SLC10A7: variants seen among roughly 807,000 people sequenced by gnomAD.
The protein encoded by SLC10A7 is solute carrier family 10 member 7.
SLC10A7 carries 29 observed loss-of-function variants against 43.2 expected under a neutral mutation model. The ratio of observed to expected loss-of-function variants is 0.67; its 90% confidence interval spans 0.50 to 0.92. SLC10A7 has a LOEUF of 0.92. Ranked by LOEUF, SLC10A7 falls within the 40% of genes least tolerant of loss-of-function variation. The probability of loss-of-function intolerance (pLI) is 0.00; values close to 1 mark genes in which losing one functional copy is unlikely to be tolerated. For missense variants in SLC10A7, 295 were observed against 403.2 expected (o/e 0.73, Z 2.30); for synonymous variants, 152 against 144.8 (o/e 1.05, Z -0.35).
At chr4:146,387,339 G>A (rs927163722) in intron 5 of SLC10A7, among the ~76,000 whole-genome samples, 6 of 152,004 alleles carry the variant, frequency 3.9e-5, no homozygotes, top group African/African-American at 7.3e-5. Context: ...AATGTGATTC[G>A]CCACATAAAC....
chr4:146,399,068 G>C (rs1290563288), intron 5 of SLC10A7, among the ~76,000 whole-genome samples: 2 of 152,212 alleles, frequency 1.3e-5, no homozygotes, highest in African/African-American at 4.8e-5. Context: ...CACTAGGGCG[G>C]TATTCAGGGA....
rs1738288485 is a variant in SLC10A7 at position 146,389,829 on chromosome 4, A to ATG, written c.435+52952_435+52953dup. Among the ~76,000 whole-genome samples, 3 of 152,184 alleles carry ATG rather than the reference A, an allele frequency of 2.0e-5. No individual in the cohort carries two copies. In the South Asian group the frequency reaches 6.2e-4, roughly 31 times the overall value. On this transcript the variant is annotated intron_variant, in intron 5 of 11. Coordinates refer to ENST00000335472, the MANE Select transcript of SLC10A7 (RefSeq NM_001029998.6). ...TGGGCAAATCACTTAACTAGCCCCT[A>ATG]TGATTCTCAGAGTTCTTAGCTATAA...
chr4:146,347,174 G>A (rs1292328257), intron 5 of SLC10A7, among the ~76,000 whole-genome samples: 5 of 152,214 alleles, frequency 3.3e-5, no homozygotes, highest in Admixed American at 1.3e-4. Context: ...AGAACAGCAT[G>A]TGTGAAAGGC....
chr4:146,408,740 A>G (rs1327541182), intron 5 of SLC10A7: 2 of 151,988 alleles, frequency 1.3e-5, no homozygotes, highest in Non-Finnish European at 2.9e-5. Flanking sequence ...TTTTTCTCTG[A>G]AGCATCCTTT....
Position 146,509,817 on chromosome 4 carries a change from C to T in SLC10A7, c.320+96G>A, listed in dbSNP as rs1414293829. The T allele has an allele frequency of 6.3e-6, 7 of 1,103,944 alleles. No homozygotes were observed. The East Asian group carries it at 1.6e-4, about 25-fold the overall frequency. 68.4% of individuals were successfully genotyped at this position (1,103,944 alleles called of 1,614,324 possible). ...GTTTTTACTTCCTTTTAAGATGGTA[C>T]ACATAAGCCCTTTTGTATATAGTTG... On this transcript the variant is annotated intron_variant, in intron 3 of 11. Transcript: ENST00000335472.
Position 146,254,430 on chromosome 4 carries a change from A to C in SLC10A7, c.*2061T>G, listed in dbSNP as rs920732689. 1 of 152,170 alleles carries C rather than the reference A, an allele frequency of 6.6e-6. No individual in the cohort carries two copies. Among genetic ancestry groups the C allele is most frequent in the Non-Finnish European group, 1.5e-5 (1 of 68,014 alleles). The allele number at this position is 152,170 out of a possible 1,614,324, so 9.4% of individuals were successfully genotyped here. A position where few individuals can be genotyped will look rare whatever the true frequency, so the allele number is the denominator to read the frequency against. On this transcript the variant is annotated 3_prime_UTR_variant, in exon 12 of 12. Coordinates refer to ENST00000335472, the MANE Select transcript of SLC10A7 (RefSeq NM_001029998.6). ...TGAATTAAAAATAAATTTTGATTTTATTTTTTGTTCTTTATGAAAAAATAT... is the reference window on the plus strand; with the variant it reads ...TGAATTAAAAATAAATTTTGATTTTCTTTTTTGTTCTTTATGAAAAAATAT...
In SLC10A7 at chr4:146,288,118, G is replaced by A. The variant is rs192837935; in HGVS notation, c.773+4811C>T. Among the ~76,000 whole-genome samples, 434 of 152,196 alleles carry A rather than the reference G, an allele frequency of 2.9e-3. 1 individual carries two copies. The highest frequency in any genetic ancestry group is 9.8e-3 in the African/African-American group (407 of 41,498). ...AGTAACACTGCTCTACAGTCTTATC[G>A]ACAAAAAGTCCATGAGTGGGAAGGA... On this transcript the variant is annotated intron_variant, in intron 9 of 11. Transcript: ENST00000335472.
intron 9 of SLC10A7, among the ~76,000 whole-genome samples, chr4:146,290,367 C>T (rs932512075): frequency 6.8e-6 from 1 of 147,600 alleles, no homozygotes; most frequent in Non-Finnish European, 1.5e-5. Flanking sequence ...ATTCTCCAGG[C>T]AAGCCAGGAA....
intron 10 of SLC10A7, among the ~76,000 whole-genome samples, chr4:146,263,363 T>C (rs572449477): frequency 4.2e-4 from 64 of 152,348 alleles, no homozygotes; most frequent in Non-Finnish European, 7.5e-4. Flanking sequence ...TCTTCATTGT[T>C]GAGCATATGG....
chr4:146,480,725 G>A (rs563887209), intron 4 of SLC10A7, among the ~76,000 whole-genome samples: 1 of 152,156 alleles, frequency 6.6e-6, no homozygotes, highest in East Asian at 1.9e-4. Flanking sequence ...TCAGCTGGGT[G>A]CCAGCTAAAA....
At chr4:146,405,143 GT>G (rs964900160) in intron 5 of SLC10A7, among the ~76,000 whole-genome samples, 1 of 152,232 alleles carries the variant, frequency 6.6e-6, no homozygotes, top group South Asian at 2.1e-4. Context: ...TTTAAAATCA[GT>G]TTTTTGCCTC....
chr4:146,292,684 G>A (rs753950497), intron 9 of SLC10A7, among the ~76,000 whole-genome samples: 5 of 152,126 alleles, frequency 3.3e-5, no homozygotes, highest in Non-Finnish European at 5.9e-5. Context: ...AACAGCTCAA[G>A]CCAGTAGAAT....
intron 4 of SLC10A7, among the ~76,000 whole-genome samples, chr4:146,496,390 C>G (rs1255036748): frequency 6.6e-6 from 1 of 152,154 alleles, no homozygotes; most frequent in East Asian, 1.9e-4. Flanking sequence ...CTAACCTTCT[C>G]CTACCCTCCT....
intron 5 of SLC10A7, among the ~76,000 whole-genome samples, chr4:146,389,667 T>C (rs2149801679): frequency 6.6e-6 from 1 of 152,300 alleles, no homozygotes; most frequent in Middle Eastern, 3.4e-3. Context: ...TAGCACAACA[T>C]AGTGTCTTTA....
At chr4:146,517,168 A>G (rs1738088666) in intron 1 of SLC10A7, 48 bp from the exon 2 acceptor site, 2 of 1,451,944 alleles carry the variant, frequency 1.4e-6, no homozygotes, top group Non-Finnish European at 1.9e-6. Flanking sequence ...TTCAGTAGAT[A>G]ACTTGGCACA....
intron 10 of SLC10A7, among the ~76,000 whole-genome samples, chr4:146,272,998 G>A (rs1398597419): frequency 6.6e-6 from 1 of 152,108 alleles, no homozygotes; most frequent in African/African-American, 2.4e-5. Flanking sequence ...CAGGAGCACT[G>A]AGGGCATGTG....
chr4:146,492,845 GT>G (rs201792798), intron 4 of SLC10A7, among the ~76,000 whole-genome samples: 12 of 151,084 alleles, frequency 7.9e-5, no homozygotes, highest in South Asian at 6.3e-4. Flanking sequence ...GGTCTTATAT[GT>G]TTTTTTTTCC....
At chr4:146,416,555 G>C in intron 5 of SLC10A7, among the ~76,000 whole-genome samples, 1 of 152,080 alleles carries the variant, frequency 6.6e-6, no homozygotes, top group East Asian at 1.9e-4. Context: ...CCTGGTGATG[G>C]AAGACAGGAA....
At chr4:146,377,258 A>C (rs1737271329) in intron 5 of SLC10A7, among the ~76,000 whole-genome samples, 1 of 152,242 alleles carries the variant, frequency 6.6e-6, no homozygotes, top group Admixed American at 6.5e-5. Flanking sequence ...AAATCTCTGC[A>C]TCCTTCAAGT....
Sources: allele counts gnomAD v4.1 joint callset (sites outside exome capture counted in the v4.1 genomes callset), GRCh38; gene constraint gnomAD v4.1.1; transcripts MANE v1.5; gene names NCBI Gene and HGNC (gene_info 2026-07-23, HGNC 2026-07-21).